The following MYLK variants were observed in gnomAD, a reference collection of about 807,000 sequenced individuals.
MYLK encodes myosin light chain kinase, also known as myosin light chain kinase, smooth muscle.
MYLK carries 106 observed loss-of-function variants against 203.4 expected under a neutral mutation model. That is an observed-to-expected ratio of 0.52 (90% CI 0.45 to 0.61). The LOEUF (loss-of-function observed/expected upper bound fraction) is 0.61. Ranked by LOEUF, MYLK falls within the 20% of genes least tolerant of loss-of-function variation. MYLK has a pLI of 0.00. For missense variants in MYLK, 2,072 were observed against 2,442.3 expected, an observed-to-expected ratio of 0.85 and a Z score of 3.20; for synonymous variants, 867 against 959.5, an observed-to-expected ratio of 0.90 and a Z score of 1.78.
Position 123,649,050 on chromosome 3 carries a change from C to T in MYLK, c.4336G>A (p.Glu1446Lys), listed in dbSNP as rs146682969. Residue 1446 changes from glutamate to lysine, a missense_variant, in exon 26 of 34, where the codon GAG (glutamate) becomes AAG (lysine). Glu to Lys is a moderately conservative substitution (Grantham distance 56). This residue lies in a region of MYLK where 524 missense variants were observed against 782.4 expected (regional missense o/e 0.67). Coordinates refer to ENST00000360304, the MANE Select transcript of MYLK (RefSeq NM_053025.4). ...EVSDDDEKEP[E>K]VDYRTVTINT... is the part of the protein sequence containing the mutation. Reference sequence around the variant, plus strand: ...ATTGTCACTGTCCGGTAATCAACCTCGGGCTCCTTCTCATCTGTGGGGCAC... The same window carrying T: ...ATTGTCACTGTCCGGTAATCAACCTTGGGCTCCTTCTCATCTGTGGGGCAC... 2.4e-4 allele frequency: 384 copies of T among 1,614,072 alleles called. No individual in the cohort carries two copies. The highest frequency in any genetic ancestry group is 2.9e-4 in the Non-Finnish European group (347 of 1,180,032).
intron 20 of MYLK, among the ~76,000 whole-genome samples, chr3:123,678,468 T>C (rs2060148307): frequency 6.6e-6 from 1 of 152,054 alleles, no homozygotes; most frequent in Admixed American, 6.6e-5. Flanking sequence ...CTTGCTTGGG[T>C]TGGGGTGGAT....
chr3:123,681,440 G>A (rs1324249381), intron 20 of MYLK: 1 of 152,526 alleles, frequency 6.6e-6, no homozygotes, highest in Non-Finnish European at 1.5e-5. Context: ...GAGGAGGGAG[G>A]ATGAGACCCA....
intron 13 of MYLK, among the ~76,000 whole-genome samples, chr3:123,712,758 G>C (rs2061745901): frequency 6.6e-6 from 1 of 152,228 alleles, no homozygotes; most frequent in Non-Finnish European, 1.5e-5. Flanking sequence ...TTCCTCATCG[G>C]TCTCTACGGG....
chr3:123,849,298 T>G (rs751229322), intron 2 of MYLK, among the ~76,000 whole-genome samples: 1 of 152,254 alleles, frequency 6.6e-6, no homozygotes. Flanking sequence ...ATATGTTAAA[T>G]GTTTCATAAA....
intron 19 of MYLK, among the ~76,000 whole-genome samples, chr3:123,690,586 T>A (rs1031634210): frequency 1.3e-5 from 2 of 152,146 alleles, no homozygotes; most frequent in East Asian, 1.9e-4. Flanking sequence ...ACAACAGTCC[T>A]TTACTACTTT....
intron 16 of MYLK, among the ~76,000 whole-genome samples, chr3:123,702,257 C>T (rs1217832035): frequency 6.6e-6 from 1 of 152,136 alleles, no homozygotes; most frequent in Non-Finnish European, 1.5e-5. Context: ...AAGGCTGCCA[C>T]CTGCTGGCAT....
intron 4 of MYLK, among the ~76,000 whole-genome samples, chr3:123,786,129 C>T: frequency 6.6e-6 from 1 of 151,896 alleles, no homozygotes; most frequent in East Asian, 1.9e-4. Context: ...ATGGTGAAAC[C>T]CTGTCTCTAC....
intron 2 of MYLK, among the ~76,000 whole-genome samples, chr3:123,837,130 T>C (rs971128067): frequency 6.6e-6 from 1 of 151,990 alleles, no homozygotes; most frequent in African/African-American, 2.4e-5. Context: ...ACCTCCTGGG[T>C]TCAAGCAATT....
intron 12 of MYLK, among the ~76,000 whole-genome samples, chr3:123,722,746 C>T (rs2062140680): frequency 6.6e-6 from 1 of 152,180 alleles, no homozygotes; most frequent in Non-Finnish European, 1.5e-5. Context: ...CCCAGCTCCA[C>T]TTAGATGTCT....
intron 19 of MYLK, 61 bp downstream of exon 19, chr3:123,692,674 G>A: frequency 2.3e-6 from 3 of 1,293,444 alleles, no homozygotes; most frequent in Non-Finnish European, 3.4e-6. Flanking sequence ...GGTAAGGAAG[G>A]GAGGGGCTGA....
intron 19 of MYLK, 27 bp from the exon 20 acceptor site, chr3:123,682,337 G>T: frequency 6.5e-7 from 1 of 1,534,072 alleles, no homozygotes; most frequent in Non-Finnish European, 8.9e-7. Flanking sequence ...AACAATAAAT[G>T]TTAGCAGCTG....
At chr3:123,638,229 A>C in intron 28 of MYLK, 35 bp from the exon 29 acceptor site, 6 of 1,612,990 alleles carry the variant, frequency 3.7e-6, no homozygotes, top group Non-Finnish European at 5.1e-6. Context: ...AATTGCCAGC[A>C]CATCACGGAG....
intron 5 of MYLK, among the ~76,000 whole-genome samples, chr3:123,749,567 G>A (rs1290207159): frequency 2.0e-5 from 3 of 152,172 alleles, no homozygotes; most frequent in Admixed American, 6.5e-5. Flanking sequence ...TGTTTCTTGG[G>A]CCTGATCACT....
At chr3:123,740,337 A>G (rs1043086038) in intron 5 of MYLK, among the ~76,000 whole-genome samples, 2 of 151,922 alleles carry the variant, frequency 1.3e-5, no homozygotes, top group Non-Finnish European at 2.9e-5. Context: ...ACTCTCAACC[A>G]CCCTGCTGAG....
In MYLK at chr3:123,740,446, A is replaced by T. The variant is rs188520021; in HGVS notation, c.374-445T>A. On this transcript the variant is annotated intron_variant, in intron 5 of 33. Coordinates refer to ENST00000360304, the MANE Select transcript of MYLK (RefSeq NM_053025.4). ...TTCTCAGTTAAAGGGAGGGAGGGAA[A>T]GGCCCATGCCTATCTCTTACCACAC... 7.2e-5 allele frequency among the ~76,000 whole-genome samples: 11 copies of T among 152,352 alleles called. No homozygotes were observed. The East Asian group carries it at 2.1e-3, about 29-fold the overall frequency.
chr3:123,791,754 A>C (rs766542494), intron 4 of MYLK, among the ~76,000 whole-genome samples: 2 of 152,264 alleles, frequency 1.3e-5, no homozygotes, highest in Admixed American at 1.3e-4. Context: ...AAATTTTCAC[A>C]TAGAAAAAGC....
intron 4 of MYLK, among the ~76,000 whole-genome samples, chr3:123,788,235 C>A (rs7643553): frequency 0.045 from 6,882 of 151,276 alleles, 486 homozygotes; most frequent in African/African-American, 0.16. Context: ...GAAACTATTT[C>A]TTGAAGAAAT....
Position 123,837,237 on chromosome 3 carries a change from G to T in MYLK, c.-126-5567C>A, listed in dbSNP as rs183243395. On this transcript the variant is annotated intron_variant, in intron 2 of 33. Transcript: ENST00000360304. The stretch of plus-strand genomic sequence containing the variant: ...AGTAGACACAGGGTTTTACCATGTT[G>T]GTCAGGCTGGTCTCAAACTCCTGAC... 3.0e-3 allele frequency among the ~76,000 whole-genome samples: 457 copies of T among 152,078 alleles called. 2 individuals are homozygous for T. Among genetic ancestry groups the T allele is most frequent in the African/African-American group, 0.01 (420 of 41,486 alleles).
intron 11 of MYLK, 47 bp downstream of exon 11, chr3:123,732,849 T>C: frequency 1.9e-6 from 3 of 1,578,630 alleles, no homozygotes; most frequent in Non-Finnish European, 2.6e-6. Flanking sequence ...ACCCCATGAA[T>C]GGTTGTCCCA....
Sources: gnomAD v4.1 joint callset for allele counts (sites outside exome capture counted in the v4.1 genomes callset) on GRCh38, gnomAD v4.1.1 for gene constraint, gnomAD v4.1.1 regional missense constraint, MANE v1.5 for transcripts, NCBI Gene and HGNC (gene_info 2026-07-23, HGNC 2026-07-21) for gene names.